SLC30A4: variants seen among roughly 807,000 people sequenced by gnomAD.
SLC30A4 encodes the protein probable proton-coupled zinc antiporter SLC30A4.
In SLC30A4, 20 loss-of-function variants were observed where a neutral mutation model predicts 41.7. The observed-to-expected ratio is 0.48, with a 90% CI of 0.34 to 0.70. The LOEUF (loss-of-function observed/expected upper bound fraction) is 0.70, where lower values mean the gene tolerates loss of function less well. Among genes scored for constraint, SLC30A4 ranks in the 30% least tolerant of loss-of-function variants. The probability of loss-of-function intolerance (pLI) is 0.01; values close to 1 mark genes in which losing one functional copy is unlikely to be tolerated. For synonymous variants in SLC30A4, 181 were observed against 195.9 expected, an observed-to-expected ratio of 0.92 and a Z score of 0.64; for missense variants, 441 against 529.3, an observed-to-expected ratio of 0.83 and a Z score of 1.64.
intron 3 of SLC30A4, among the ~76,000 whole-genome samples, chr15:45,508,800 GTTC>G (rs1458642029): frequency 6.6e-6 from 1 of 152,170 alleles, no homozygotes; most frequent in East Asian, 1.9e-4. Context: ...GGACCGGTCA[GTTC>G]TATTGTCTCT....
chr15:45,490,243 C>T (rs1891784827), intron 4 of SLC30A4, among the ~76,000 whole-genome samples: 3 of 152,192 alleles, frequency 2.0e-5, no homozygotes, highest in South Asian at 4.1e-4. Flanking sequence ...AGGCACGAGC[C>T]ACCGTGCCTG....
At chr15:45,510,147 C>CT (rs1892252188) in intron 3 of SLC30A4, among the ~76,000 whole-genome samples, 1 of 151,656 alleles carries the variant, frequency 6.6e-6, no homozygotes, top group African/African-American at 2.4e-5. Flanking sequence ...GAATAAGACT[C>CT]TGTCTTAAAA....
In SLC30A4 at chr15:45,489,618, G is replaced by C. The variant is rs1260206807; in HGVS notation, c.693-576C>G. On this transcript the variant is annotated intron_variant, in intron 4 of 7. Transcript: ENST00000261867. The stretch of plus-strand genomic sequence containing the variant: ...AATTTGATTACATTCAGGGACTGTT[G>C]TGGGGTGGGGGGAGGGGGGAGGGAT... 1.8e-4 allele frequency among the ~76,000 whole-genome samples: 21 copies of C among 113,916 alleles called. No individual in the cohort carries two copies. In the Admixed American group the frequency reaches 2.1e-3, roughly 11 times the overall value. 74.7% of individuals were successfully genotyped at this position (113,916 alleles called of 152,430 possible).
At chr15:45,499,901 A>C (rs1327365722) in intron 3 of SLC30A4, among the ~76,000 whole-genome samples, 3 of 152,228 alleles carry the variant, frequency 2.0e-5, no homozygotes, top group African/African-American at 7.2e-5. Context: ...GTCTCACATG[A>C]AGGAAAAGTA....
At chr15:45,496,278 A>G (rs1891905061) in intron 3 of SLC30A4, among the ~76,000 whole-genome samples, 1 of 152,166 alleles carries the variant, frequency 6.6e-6, no homozygotes, top group Non-Finnish European at 1.5e-5. Flanking sequence ...TCTTAACATG[A>G]TGGAATGCAG....
At chr15:45,499,933 C>A (rs1891986500) in intron 3 of SLC30A4, among the ~76,000 whole-genome samples, 1 of 152,192 alleles carries the variant, frequency 6.6e-6, no homozygotes, top group South Asian at 2.1e-4. Flanking sequence ...GAACTGACTC[C>A]TGGAATAGCC....
Position 45,485,297 on chromosome 15 carries a change from A to G in SLC30A4, c.1156T>C (p.Trp386Arg). 6.2e-7 allele frequency: 1 copy of G among 1,609,344 alleles called. No individual in the cohort carries two copies. The highest frequency in any genetic ancestry group is 8.5e-7 in the Non-Finnish European group (1 of 1,177,554). Residue 386 changes from tryptophan (W) to arginine (R), a missense_variant, in exon 8 of 8, where the codon TGG becomes CGG. By Grantham distance (101) the Trp-to-Arg change is moderately radical. Around this residue, in one of 3 missense-constraint regions of SLC30A4, gnomAD observed 100 missense variants for 121.0 expected, o/e 0.83. Transcript: ENST00000261867. ...IQLIPGSSSK[W>R]EEVQSKANHL... ...TTTGCTTTGGACTGTACTTCCTCCC[A>G]TTTAGATGAACTTCCAGGAACTGCA...
rs559961625 is a variant in SLC30A4, at chr15:45,481,554, C to T, written c.*3609G>A. The T allele has an allele frequency of 1.3e-5, 2 of 152,278 alleles. No individual in the cohort carries two copies. The highest frequency in any genetic ancestry group is 4.8e-5 in the African/African-American group (2 of 41,558). 9.4% of individuals were successfully genotyped at this position (152,278 alleles called of 1,614,324 possible). On this transcript the variant is annotated 3_prime_UTR_variant, in exon 8 of 8. Transcript: ENST00000261867. ...AACTGCCAAGTTTTTATATTGTGGT[C>T]TGTGGTCCTGTCATAATCTGTTTTC... is the stretch of plus-strand genomic sequence containing the variant.
intron 3 of SLC30A4, among the ~76,000 whole-genome samples, chr15:45,496,370 C>A (rs1802859605): frequency 6.6e-6 from 1 of 152,166 alleles, no homozygotes. Flanking sequence ...CAAATTATGA[C>A]CTGCTCCAAT....
At chr15:45,521,776 G>A (rs557445469) in intron 2 of SLC30A4, 188 bp downstream of exon 2, 91 of 542,614 alleles carry the variant, frequency 1.7e-4, no homozygotes, top group Non-Finnish European at 2.6e-4. Flanking sequence ...AAGTTATCTC[G>A]GGGAGTTTAT....
chr15:45,493,148 T>C (rs182062442), intron 3 of SLC30A4, among the ~76,000 whole-genome samples: 3 of 152,258 alleles, frequency 2.0e-5, no homozygotes, highest in Non-Finnish European at 4.4e-5. Context: ...GGTGGGTGCC[T>C]GTAATCCCAA....
chr15:45,492,212 C>CAAA (rs1163243140), intron 3 of SLC30A4, among the ~76,000 whole-genome samples: 1 of 68,012 alleles, frequency 1.5e-5, no homozygotes, highest in African/African-American at 3.7e-5. Context: ...CTGTAGCATC[C>CAAA]AAAAAAAAAA....
Position 45,517,278 on chromosome 15 carries a change from T to C in SLC30A4, c.391+4686A>G, listed in dbSNP as rs138393627. Among the ~76,000 whole-genome samples the C allele has an allele frequency of 2.8e-3, 416 of 150,442 alleles. 1 individual carries two copies. The highest frequency in any genetic ancestry group is 9.6e-3 in the African/African-American group (396 of 41,110). On this transcript the variant is annotated intron_variant, in intron 2 of 7. Coordinates refer to ENST00000261867, the MANE Select transcript of SLC30A4 (RefSeq NM_013309.6). ...GGCATTATATACACTCATCTCTCTC[T>C]ACCTTGACCTCTCTTCTAACCACAG...
At chr15:45,511,086 T>C (rs1318591973) in intron 3 of SLC30A4, 52 bp downstream of exon 3, 24 of 1,417,474 alleles carry the variant, frequency 1.7e-5, no homozygotes, top group East Asian at 4.6e-5. Flanking sequence ...TTATAGTTCA[T>C]TGTGGTTTTA....
At chr15:45,492,098 A>G (rs796243707) in intron 3 of SLC30A4, among the ~76,000 whole-genome samples, 91 of 152,028 alleles carry the variant, frequency 6.0e-4, no homozygotes, top group African/African-American at 1.9e-3. Flanking sequence ...AAAACTTAAA[A>G]TGTGTACATT....
chr15:45,514,127 C>T (rs924769803), intron 2 of SLC30A4, among the ~76,000 whole-genome samples: 4 of 152,068 alleles, frequency 2.6e-5, no homozygotes, highest in Non-Finnish European at 2.9e-5. Flanking sequence ...GGGCAGATCA[C>T]CTGAGGTCGG....
intron 3 of SLC30A4, among the ~76,000 whole-genome samples, chr15:45,510,303 C>T (rs1737244804): frequency 1.3e-5 from 2 of 151,896 alleles, no homozygotes; most frequent in African/African-American, 2.4e-5. Context: ...AAGAAACAAA[C>T]AAAAAATCTA....
chr15:45,485,524 G>T (rs1891682730), intron 7 of SLC30A4, among the ~76,000 whole-genome samples: 1 of 151,954 alleles, frequency 6.6e-6, no homozygotes, highest in Non-Finnish European at 1.5e-5. Context: ...CTACTCTCAG[G>T]TAGAGAAAAA....
chr15:45,483,492 A>G lies in SLC30A4; in HGVS notation c.*1671T>C, dbSNP rs1373600295. 4 of 152,258 alleles carry G rather than the reference A, an allele frequency of 2.6e-5. No individual in the cohort carries two copies. Among genetic ancestry groups the G allele is most frequent in the African/African-American group, 9.6e-5 (4 of 41,470 alleles). The allele number at this position is 152,258 out of a possible 1,614,324, so 9.4% of individuals were successfully genotyped here. On this transcript the variant is annotated 3_prime_UTR_variant, in exon 8 of 8. Coordinates refer to ENST00000261867, the MANE Select transcript of SLC30A4 (RefSeq NM_013309.6). ...AGCTGCCTCTTTAACACAGGCATTT[A>G]CAATTAGGTTGCCTTCAGTTTGGAA...
Sources: gnomAD v4.1 joint callset for allele counts (sites outside exome capture counted in the v4.1 genomes callset) on GRCh38, gnomAD v4.1.1 for gene constraint, gnomAD v4.1.1 regional missense constraint, MANE v1.5 for transcripts, NCBI Gene and HGNC (gene_info 2026-07-23, HGNC 2026-07-21) for gene names.